DEPDC5: variants seen among roughly 807,000 people sequenced by gnomAD.
The protein encoded by DEPDC5 is GATOR1 complex protein DEPDC5.
Under a neutral mutation model 217.3 loss-of-function variants are expected in DEPDC5, and 73 were observed. That is an observed-to-expected ratio of 0.34 (90% confidence interval 0.28 to 0.41). The LOEUF is 0.41. DEPDC5 is among the 10% of genes least tolerant of loss of function. The probability of loss-of-function intolerance (pLI) is 1.00; values close to 1 mark genes in which losing one functional copy is unlikely to be tolerated. For missense variants in DEPDC5, 1,675 were observed against 2,070.1 expected (o/e 0.81, Z 3.70); for synonymous variants, 733 against 756.7 (o/e 0.97, Z 0.51).
rs5998159 is a variant in DEPDC5 at position 31,885,656 on chromosome 22, C to G, written c.4033+5904C>G. On this transcript the variant is annotated intron_variant, in intron 38 of 42. Coordinates refer to ENST00000651528, the MANE Select transcript of DEPDC5 (RefSeq NM_001242896.3). ...AGGAGAATGGCGTGAACCTGGGAGG[C>G]AGAGCTTGCAGTGAGCCGAGATCAT... Among the ~76,000 whole-genome samples the G allele has an allele frequency of 2.5e-3, 374 of 147,274 alleles. 4 individuals carry two copies. The highest frequency in any genetic ancestry group is 8.7e-3 in the African/African-American group (345 of 39,556).
chr22:31,888,248 T>G (rs1036459529), intron 38 of DEPDC5, among the ~76,000 whole-genome samples: 3 of 138,806 alleles, frequency 2.2e-5, no homozygotes, highest in Non-Finnish European at 4.7e-5. Flanking sequence ...TGGTTTTTTT[T>G]TTTTTTTTTT....
chr22:31,764,254 C>T (rs1414639537), intron 4 of DEPDC5, among the ~76,000 whole-genome samples: 1 of 152,070 alleles, frequency 6.6e-6, no homozygotes, highest in Non-Finnish European at 1.5e-5. Flanking sequence ...GCCTTCATAC[C>T]TTCCCCTTAT....
chr22:31,814,892 T>G, intron 20 of DEPDC5, 100 bp from the exon 21 acceptor site: 3 of 1,304,306 alleles, frequency 2.3e-6, no homozygotes, highest in Non-Finnish European at 3.3e-6. Flanking sequence ...TTTTTGTTAT[T>G]GGGTTCCATG....
At chr22:31,767,548 G>A (rs946118638) in intron 6 of DEPDC5, among the ~76,000 whole-genome samples, 3 of 152,094 alleles carry the variant, frequency 2.0e-5, no homozygotes, top group Non-Finnish European at 4.4e-5. Context: ...GCCCGCCTCG[G>A]CCTCCCAAAG....
chr22:31,854,956 TG>T (rs201510086), intron 31 of DEPDC5, among the ~76,000 whole-genome samples: 1 of 149,724 alleles, frequency 6.7e-6, no homozygotes, highest in African/African-American at 2.5e-5. Context: ...TGAGTCTTGC[TG>T]GTTTTTTTTT....
intron 33 of DEPDC5, among the ~76,000 whole-genome samples, chr22:31,866,169 T>C (rs1414902738): frequency 1.3e-5 from 2 of 152,148 alleles, no homozygotes; most frequent in African/African-American, 4.8e-5. Flanking sequence ...TTCCCTCCCT[T>C]ACTTTCTCCT....
At chr22:31,765,102 C>A in intron 5 of DEPDC5, 42 bp downstream of exon 5, 1 of 1,474,638 alleles carries the variant, frequency 6.8e-7, no homozygotes, top group Non-Finnish European at 9.5e-7. Flanking sequence ...TTGGAATAAG[C>A]ACCCTTCCTC....
intron 32 of DEPDC5, among the ~76,000 whole-genome samples, chr22:31,860,227 C>T (rs1365747540): frequency 2.6e-5 from 4 of 152,188 alleles, no homozygotes; most frequent in East Asian, 1.9e-4. Flanking sequence ...CTCAGAAATG[C>T]CCAACTGTTT....
intron 38 of DEPDC5, 45 bp from the exon 39 acceptor site, chr22:31,893,537 C>T (rs765355214): frequency 2.0e-6 from 3 of 1,467,870 alleles, no homozygotes; most frequent in African/African-American, 2.9e-5. Context: ...CTTCATCCCA[C>T]TCCTTTTCTC....
At chr22:31,855,394 T>TG (rs1569116425) in intron 31 of DEPDC5, among the ~76,000 whole-genome samples, 1 of 151,518 alleles carries the variant, frequency 6.6e-6, no homozygotes, top group African/African-American at 2.4e-5. Context: ...TTTTTTTTTT[T>TG]GCGACGGAGT....
At chr22:31,814,716 G>A (rs1321135735) in intron 20 of DEPDC5, 3 of 446,004 alleles carry the variant, frequency 6.7e-6, no homozygotes, top group Non-Finnish European at 1.2e-5. Context: ...AGATTAATCA[G>A]TGGGATTAGG....
At chr22:31,904,075 C>T (rs1435160095) in intron 41 of DEPDC5, among the ~76,000 whole-genome samples, 1 of 152,074 alleles carries the variant, frequency 6.6e-6, no homozygotes, top group Non-Finnish European at 1.5e-5. Context: ...TAGGCTGTGA[C>T]CTACAGCTCC....
chr22:31,893,074 C>A (rs1293637469), intron 38 of DEPDC5, among the ~76,000 whole-genome samples: 1 of 151,944 alleles, frequency 6.6e-6, no homozygotes, highest in East Asian at 1.9e-4. Context: ...TGGGGTTTCA[C>A]CATGTTGGCC....
At chr22:31,836,889 C>G in intron 25 of DEPDC5, 83 bp from the exon 26 acceptor site, 101 of 888,616 alleles carry the variant, frequency 1.1e-4, no homozygotes, top group East Asian at 1.7e-4. Flanking sequence ...CCCCACTCTT[C>G]CCTCCCCTTC....
At position 31,838,806 on chromosome 22, in the gene DEPDC5, G is replaced by T. The variant is rs1468914738; in HGVS notation, c.2476G>T (p.Val826Phe). The T allele has an allele frequency of 6.2e-7, 1 of 1,614,028 alleles. No homozygotes were observed. Among genetic ancestry groups the T allele is most frequent in the African/African-American group, 1.3e-5 (1 of 74,938 alleles). The change falls in exon 27 of 43, where the codon GTC (valine) becomes TTC (phenylalanine). Residue 826 changes from valine to phenylalanine, a missense_variant. Transcript: ENST00000651528. The part of the protein sequence containing the change: ...QPKTQKPNPA[V>F]PPPLSSSPLY... ...CAAGACACAGAAACCCAATCCTGCT[G>T]TCCCGCCCCCGCTGAGCAGTAGCCC... is the stretch of plus-strand genomic sequence containing the variant.
intron 7 of DEPDC5, among the ~76,000 whole-genome samples, chr22:31,771,365 C>T (rs1452620742): frequency 6.6e-6 from 1 of 152,090 alleles, no homozygotes; most frequent in Non-Finnish European, 1.5e-5. Flanking sequence ...GCGTGAGGAT[C>T]ACTTGAGGCC....
At chr22:31,805,308 A>G (rs971339186) in intron 17 of DEPDC5, among the ~76,000 whole-genome samples, 1 of 152,042 alleles carries the variant, frequency 6.6e-6, no homozygotes. Context: ...TGCCAGTGCC[A>G]GTGCCTCATC....
At chr22:31,862,460 G>C (rs931855643) in intron 33 of DEPDC5, among the ~76,000 whole-genome samples, 5 of 152,066 alleles carry the variant, frequency 3.3e-5, no homozygotes, top group African/African-American at 4.8e-5. Context: ...AGCTACTCAG[G>C]AGGCTGAGGC....
At chr22:31,787,110 C>G (rs962395454) in intron 10 of DEPDC5, among the ~76,000 whole-genome samples, 1 of 150,362 alleles carries the variant, frequency 6.7e-6, no homozygotes, top group African/African-American at 2.5e-5. Context: ...TTTTTTGAGA[C>G]AGGGTCTCAC....
Sources: allele counts gnomAD v4.1 joint callset (sites outside exome capture counted in the v4.1 genomes callset), GRCh38; gene constraint gnomAD v4.1.1; transcripts MANE v1.5; gene names NCBI Gene and HGNC (gene_info 2026-07-23, HGNC 2026-07-21).